The following PLD5 variants were observed in gnomAD, a reference collection of about 807,000 sequenced individuals.
PLD5 encodes phospholipase D family member 5.
In PLD5, 36 loss-of-function variants were observed where a neutral mutation model predicts 61.1. That is an observed-to-expected ratio of 0.59 (90% CI 0.45 to 0.78). The LOEUF is 0.78. PLD5 is among the 30% of genes least tolerant of loss of function. PLD5 has a pLI of 0.00. For missense variants in PLD5, 515 were observed against 644.4 expected (o/e 0.80, Z 2.17); for synonymous variants, 243 against 242.8 (o/e 1.00, Z -0.01).
chr1:242,446,425 G>A (rs1044905208), intron 1 of PLD5, among the ~76,000 whole-genome samples: 4 of 151,924 alleles, frequency 2.6e-5, no homozygotes, highest in Admixed American at 2.0e-4. Flanking sequence ...ACAAAAATCA[G>A]CTGGGTGTGG....
chr1:242,322,679 G>A (rs1389481507), intron 2 of PLD5, among the ~76,000 whole-genome samples: 1 of 152,120 alleles, frequency 6.6e-6, no homozygotes, highest in Non-Finnish European at 1.5e-5. Context: ...AGATCTGATA[G>A]TTTAAAAGTG....
chr1:242,181,393 A>G (rs553798602), intron 5 of PLD5, among the ~76,000 whole-genome samples: 8 of 152,376 alleles, frequency 5.3e-5, no homozygotes, highest in Admixed American at 5.2e-4. Context: ...CACTGGATTT[A>G]GGAGACTTAG....
chr1:242,390,493 A>G (rs979482818), intron 1 of PLD5, among the ~76,000 whole-genome samples: 2 of 152,212 alleles, frequency 1.3e-5, no homozygotes, highest in Admixed American at 6.5e-5. Flanking sequence ...TAATGTTAAA[A>G]CATTCCATGA....
intron 1 of PLD5, among the ~76,000 whole-genome samples, chr1:242,509,145 G>A (rs1410098668): frequency 6.6e-6 from 1 of 151,978 alleles, no homozygotes; most frequent in African/African-American, 2.4e-5. Context: ...GGGAGGCTGA[G>A]GCAGACAGAT....
At position 242,312,090 on chromosome 1, in the gene PLD5, T is replaced by C. The variant is rs573794199; in HGVS notation, c.327-23560A>G. ...AATTTCTACTTTTTTTATATTCTCATTTTACTCATACATTCTTTTCTTGAT... is the reference window on the plus strand; with the variant it reads ...AATTTCTACTTTTTTTATATTCTCACTTTACTCATACATTCTTTTCTTGAT... On this transcript the variant is annotated intron_variant, in intron 2 of 9. Coordinates refer to ENST00000536534, the MANE Select transcript of PLD5 (RefSeq NM_001372062.1). 7.9e-5 allele frequency among the ~76,000 whole-genome samples: 12 copies of C among 152,100 alleles called. No homozygotes were observed. The South Asian group carries it at 8.3e-4, about 11-fold the overall frequency.
rs1250335975 is a variant in PLD5, at chr1:242,398,505, G to C, written c.190-50263C>G. ...AACCTTCATAACCACCTCCAGCATA[G>C]GCTGACGTCTTTCTCCACAATTCTC... On this transcript the variant is annotated intron_variant, in intron 1 of 9. Transcript: ENST00000536534. Among the ~76,000 whole-genome samples, 3 of 152,136 alleles carry C rather than the reference G, an allele frequency of 2.0e-5. No homozygotes were observed. In the East Asian group the frequency reaches 5.8e-4, roughly 29 times the overall value.
intron 5 of PLD5, among the ~76,000 whole-genome samples, chr1:242,171,697 A>T (rs1243416002): frequency 6.9e-6 from 1 of 143,972 alleles, no homozygotes; most frequent in Admixed American, 7.3e-5. Flanking sequence ...AGGGAGGAAT[A>T]TTTACCAAGC....
chr1:242,289,651 A>G (rs1421143103), intron 2 of PLD5, among the ~76,000 whole-genome samples: 1 of 152,098 alleles, frequency 6.6e-6, no homozygotes, highest in African/African-American at 2.4e-5. Context: ...CACTGCACCC[A>G]GCCTCCTGCA....
chr1:242,168,685 C>A (rs191683078), intron 5 of PLD5, among the ~76,000 whole-genome samples: 384 of 152,150 alleles, frequency 2.5e-3, no homozygotes, highest in Non-Finnish European at 4.1e-3. Context: ...AACAACAATC[C>A]GCTGCAAAAC....
chr1:242,286,728 C>T (rs12133323), intron 3 of PLD5, among the ~76,000 whole-genome samples: 8,714 of 152,176 alleles, frequency 0.057, 297 homozygotes, highest in Middle Eastern at 0.12. Context: ...TCCACATGTA[C>T]GAGTAAAACT....
chr1:242,127,266 G>A (rs1205596590), intron 5 of PLD5, among the ~76,000 whole-genome samples: 1 of 152,178 alleles, frequency 6.6e-6, no homozygotes, highest in Admixed American at 6.5e-5. Flanking sequence ...AGAATTAAAA[G>A]TAGAACTACC....
intron 2 of PLD5, among the ~76,000 whole-genome samples, chr1:242,332,820 C>T (rs1338726859): frequency 6.6e-6 from 1 of 152,148 alleles, no homozygotes; most frequent in African/African-American, 2.4e-5. Context: ...AAGACTCTTA[C>T]AAAAACTGCT....
chr1:242,478,225 G>A (rs1667660082), intron 1 of PLD5, among the ~76,000 whole-genome samples: 1 of 152,162 alleles, frequency 6.6e-6, no homozygotes, highest in South Asian at 2.1e-4. Context: ...ATGGGCTCTC[G>A]AAAAGGCTCT....
chr1:242,425,626 T>C, intron 1 of PLD5, among the ~76,000 whole-genome samples: 1 of 151,464 alleles, frequency 6.6e-6, no homozygotes, highest in South Asian at 2.1e-4. Flanking sequence ...AAATTAACCT[T>C]AGCTTACTGT....
intron 3 of PLD5, among the ~76,000 whole-genome samples, chr1:242,284,825 C>A (rs1674928018): frequency 6.6e-6 from 1 of 152,200 alleles, no homozygotes; most frequent in Non-Finnish European, 1.5e-5. Flanking sequence ...ATCAGCCTCA[C>A]AGCACCTTTA....
chr1:242,142,714 T>TTCTCTC (rs35627694), intron 5 of PLD5, among the ~76,000 whole-genome samples: 1,210 of 90,054 alleles, frequency 0.013, 18 homozygotes, highest in African/African-American at 0.055. Context: ...AGCTGTGTCT[T>TTCTCTC]TCTCTCTCTC....
At chr1:242,184,042 A>G (rs1310321013) in intron 5 of PLD5, among the ~76,000 whole-genome samples, 3 of 152,208 alleles carry the variant, frequency 2.0e-5, no homozygotes, top group Admixed American at 6.5e-5. Flanking sequence ...TTTCATTCCC[A>G]CAGTTACGCA....
At chr1:242,254,181 G>A (rs1397618492) in intron 4 of PLD5, among the ~76,000 whole-genome samples, 1 of 152,146 alleles carries the variant, frequency 6.6e-6, no homozygotes, top group Non-Finnish European at 1.5e-5. Flanking sequence ...GCACTGACAG[G>A]TCAAACACAA....
intron 1 of PLD5, among the ~76,000 whole-genome samples, chr1:242,487,227 C>A (rs1330178155): frequency 6.6e-6 from 1 of 151,094 alleles, no homozygotes; most frequent in African/African-American, 2.4e-5. Context: ...AAAAAAGTGA[C>A]CAAAGAAAAA....
Sources: allele counts gnomAD v4.1 joint callset (sites outside exome capture counted in the v4.1 genomes callset), GRCh38; gene constraint gnomAD v4.1.1; transcripts MANE v1.5; gene names NCBI Gene and HGNC (gene_info 2026-07-23, HGNC 2026-07-21).